The following OTOGL variants were observed in gnomAD, a reference collection of about 807,000 sequenced individuals.
OTOGL encodes otogelin like, also known as otogelin-like protein.
A neutral mutation model predicts 318.5 loss-of-function variants in OTOGL; 285 were observed. That is an observed-to-expected ratio of 0.89 (90% CI 0.81 to 0.99). The LOEUF (loss-of-function observed/expected upper bound fraction) is 0.99. OTOGL is among the 50% of genes least tolerant of loss of function. The pLI is 0.00. For missense variants in OTOGL, 2,899 were observed against 2,845.6 expected (o/e 1.02, Z -0.43); for synonymous variants, 987 against 936.5 (o/e 1.05, Z -0.99).
intron 57 of OTOGL, among the ~76,000 whole-genome samples, chr12:80,372,762 C>T (rs1378277764): frequency 6.6e-6 from 1 of 151,584 alleles, no homozygotes; most frequent in African/African-American, 2.4e-5. Flanking sequence ...GATCTTAGCT[C>T]ACTGCAACCT....
intron 1 of OTOGL, among the ~76,000 whole-genome samples, chr12:80,176,150 G>A (rs574472921): frequency 2.6e-5 from 4 of 152,232 alleles, no homozygotes; most frequent in Non-Finnish European, 4.4e-5. Context: ...AGTTCTAGTC[G>A]CAGAAGTTTT....
intron 1 of OTOGL, among the ~76,000 whole-genome samples, chr12:80,163,115 G>A (rs1036227589): frequency 6.6e-5 from 10 of 151,958 alleles, no homozygotes; most frequent in Non-Finnish European, 1.5e-4. Context: ...TTCCAGGAGA[G>A]TTTTTATTTT....
intron 1 of OTOGL, among the ~76,000 whole-genome samples, chr12:80,178,130 G>A (rs1242008748): frequency 3.0e-5 from 4 of 134,192 alleles, no homozygotes; most frequent in African/African-American, 8.5e-5. Flanking sequence ...GTGTGATCTC[G>A]GCTCGCTGCA....
At chr12:80,328,637 T>C in intron 35 of OTOGL, 28 bp from the exon 36 acceptor site, 1 of 1,508,242 alleles carries the variant, frequency 6.6e-7, no homozygotes, top group Non-Finnish European at 9.1e-7. Context: ...TTTTCTTCAC[T>C]TTGATTTACT....
At position 80,333,219 on chromosome 12, in the gene OTOGL, G is replaced by A. The variant is rs1888189765; in HGVS notation, c.4422+141G>A. 4.2e-5 allele frequency: 28 copies of A among 674,074 alleles called. No individual in the cohort carries two copies. The South Asian group carries it at 5.8e-4, about 14-fold the overall frequency. The allele number at this position is 674,074 out of a possible 1,614,324, so 41.8% of individuals were successfully genotyped here. Reference sequence around the variant, plus strand: ...CTTGCTAAAAGATATTAAGAAATATGCATTTCATTGGAACAATTGTAACTG... The same window carrying A: ...CTTGCTAAAAGATATTAAGAAATATACATTTCATTGGAACAATTGTAACTG... On this transcript the variant is annotated intron_variant, in intron 38 of 58. Coordinates refer to ENST00000547103, the MANE Select transcript of OTOGL (RefSeq NM_001378609.3).
chr12:80,307,055 T>C lies in OTOGL; in HGVS notation c.3333+1360T>C, dbSNP rs555239919. On this transcript the variant is annotated intron_variant, in intron 29 of 58. Coordinates refer to ENST00000547103, the MANE Select transcript of OTOGL (RefSeq NM_001378609.3). Reference sequence around the variant, plus strand: ...AAGCATCTGTTTAACAAAGCACATCTTGCACCGCCCTTAATCCATTCAACC... The same window carrying C: ...AAGCATCTGTTTAACAAAGCACATCCTGCACCGCCCTTAATCCATTCAACC... 3.9e-4 allele frequency among the ~76,000 whole-genome samples: 58 copies of C among 149,716 alleles called. No homozygotes were observed. The East Asian group carries it at 7.4e-3, about 19-fold the overall frequency.
intron 52 of OTOGL, chr12:80,366,249 G>A (rs1430103738): frequency 2.3e-6 from 1 of 431,638 alleles, no homozygotes; most frequent in Admixed American, 2.5e-5. Flanking sequence ...TCATTGTGTT[G>A]CTGATGTGTA....
intron 26 of OTOGL, among the ~76,000 whole-genome samples, chr12:80,279,718 CTT>C (rs1335863120): frequency 6.6e-6 from 1 of 151,664 alleles, no homozygotes; most frequent in Non-Finnish European, 1.5e-5. Flanking sequence ...GATTCCATGT[CTT>C]TGCTATTGTG....
At chr12:80,170,229 G>A (rs1311628634) in intron 1 of OTOGL, among the ~76,000 whole-genome samples, 26 of 149,954 alleles carry the variant, frequency 1.7e-4, no homozygotes, top group African/African-American at 6.5e-4. Flanking sequence ...ATGTGTGTGT[G>A]TGTATGTATG....
intron 26 of OTOGL, 106 bp from the exon 27 acceptor site, chr12:80,296,718 TCAG>T: frequency 1.2e-6 from 1 of 848,784 alleles, no homozygotes; most frequent in Non-Finnish European, 1.6e-6. Flanking sequence ...AAGTTGTTTT[TCAG>T]TTCTAATGCA....
chr12:80,120,164 G>C (rs987743238), intron 1 of OTOGL, among the ~76,000 whole-genome samples: 4 of 151,946 alleles, frequency 2.6e-5, no homozygotes, highest in African/African-American at 4.8e-5. Flanking sequence ...CCAATCATAG[G>C]ATGGGGTAGC....
chr12:80,213,921 A>G (rs1371641901), intron 4 of OTOGL, among the ~76,000 whole-genome samples: 2 of 152,224 alleles, frequency 1.3e-5, no homozygotes, highest in African/African-American at 4.8e-5. Context: ...CAATGGGTAG[A>G]TAAGTGCGCA....
chr12:80,251,594 T>G (rs1202798577), intron 11 of OTOGL, 99 bp from the exon 12 acceptor site: 1 of 795,750 alleles, frequency 1.3e-6, no homozygotes, highest in African/African-American at 1.7e-5. Flanking sequence ...CATCGGAGTA[T>G]TCATCATGCA....
rs757181613 is a variant in OTOGL at position 80,368,319 on chromosome 12, A to G, written c.6615+10A>G. 2 of 1,546,194 alleles carry G rather than the reference A, an allele frequency of 1.3e-6. No homozygotes were observed. Among genetic ancestry groups the G allele is most frequent in the African/African-American group, 1.4e-5 (1 of 73,522 alleles). ...ATCAGTTGTATACGCGGTATGTTTC[A>G]TGGAGAGTAATGCTCTGTGCTATTT... On this transcript the variant is annotated intron_variant, in intron 55 of 58. Transcript: ENST00000547103.
In OTOGL at chr12:80,235,444, G is replaced by A. The variant is rs182848685; in HGVS notation, c.817+2347G>A. Among the ~76,000 whole-genome samples the A allele has an allele frequency of 2.0e-3, 260 of 133,100 alleles. 3 individuals are homozygous for A. Among genetic ancestry groups the A allele is most frequent in the African/African-American group, 6.9e-3 (249 of 35,850 alleles). 87.3% of individuals were successfully genotyped at this position (133,100 alleles called of 152,430 possible). A position where few individuals can be genotyped will look rare whatever the true frequency, so the allele number is the denominator to read the frequency against. On this transcript the variant is annotated intron_variant, in intron 9 of 58. Transcript: ENST00000547103. ...CATCATGCCACTGCACTCCAGCCTGGACAACAGAGCAAGACTCTGTCTCAA... is the reference window on the plus strand; with the variant it reads ...CATCATGCCACTGCACTCCAGCCTGAACAACAGAGCAAGACTCTGTCTCAA...
At chr12:80,156,986 T>C (rs1211030145) in intron 1 of OTOGL, among the ~76,000 whole-genome samples, 1 of 152,156 alleles carries the variant, frequency 6.6e-6, no homozygotes. Context: ...ATAGGGTAGC[T>C]CAATTTTTAG....
intron 32 of OTOGL, among the ~76,000 whole-genome samples, chr12:80,315,887 C>T (rs755581318): frequency 3.3e-5 from 5 of 152,126 alleles, no homozygotes; most frequent in South Asian, 2.1e-4. Flanking sequence ...CATGCATACA[C>T]GCACACACAA....
intron 49 of OTOGL, among the ~76,000 whole-genome samples, 155 bp from the exon 50 acceptor site, chr12:80,358,093 A>T (rs1044940822): frequency 6.6e-6 from 1 of 152,204 alleles, no homozygotes; most frequent in Non-Finnish European, 1.5e-5. Context: ...AGACAGTATT[A>T]TTGTTTTTAT....
chr12:80,322,449 G>T (rs1222528635), intron 34 of OTOGL, among the ~76,000 whole-genome samples: 3 of 152,176 alleles, frequency 2.0e-5, no homozygotes. Context: ...GCCTATTGTA[G>T]TCTTGGAACC....
Sources: gnomAD v4.1 joint callset for allele counts (sites outside exome capture counted in the v4.1 genomes callset) on GRCh38, gnomAD v4.1.1 for gene constraint, MANE v1.5 for transcripts, NCBI Gene and HGNC (gene_info 2026-07-23, HGNC 2026-07-21) for gene names.